The following DLGAP5 variants were observed in gnomAD, a reference collection of about 807,000 sequenced individuals.
The protein encoded by DLGAP5 is disks large-associated protein 5.
In DLGAP5, 90 loss-of-function variants were observed where a neutral mutation model predicts 99.6. The observed-to-expected ratio is 0.90, with a 90% CI of 0.76 to 1.08. The LOEUF is 1.08. DLGAP5 is among the 50% of genes least tolerant of loss of function. DLGAP5 has a pLI of 0.00. For missense variants in DLGAP5, 1,036 were observed against 983.5 expected (o/e 1.05, Z -0.71); for synonymous variants, 311 against 321.3 (o/e 0.97, Z 0.34).
intron 14 of DLGAP5, 72 bp downstream of exon 14, chr14:55,158,450 C>T (rs993836067): frequency 4.4e-5 from 57 of 1,283,554 alleles, no homozygotes; most frequent in Non-Finnish European, 5.9e-5. Flanking sequence ...CACAAGCCCC[C>T]ATCTATCCCA....
intron 17 of DLGAP5, among the ~76,000 whole-genome samples, chr14:55,151,343 T>TAA (rs59934475): frequency 2.0e-5 from 3 of 150,696 alleles, no homozygotes; most frequent in South Asian, 2.1e-4. Context: ...AAAGGACAAC[T>TAA]AAAAAAAAAG....
At position 55,177,322 on chromosome 14, in the gene DLGAP5, T is replaced by A; in HGVS notation, c.789A>T (p.Lys263Asn). 3 of 1,599,652 alleles carry A rather than the reference T, an allele frequency of 1.9e-6. No homozygotes were observed. Among genetic ancestry groups the A allele is most frequent in the Non-Finnish European group, 2.6e-6 (3 of 1,174,468 alleles). Residue 263 changes from lysine to asparagine, a missense_variant, in exon 8 of 19, where the codon AAA (lysine) becomes AAT (asparagine). Lys to Asn is a moderately conservative substitution (Grantham distance 94). Transcript: ENST00000247191. ...TCAAAGTATTTTCTTCACTATCGAC[T>A]TTACAAGAAATACCCTAGGATGTGA... ...ETKPDKGISC[K>N]VDSEENTLNS...
Position 55,158,517 on chromosome 14 carries a change from C to G in DLGAP5, c.1873+5G>C. ...AAAAAAAATAAAAAATCAAAAACAA[C>G]TAACCTGAGAATAATTTAACAGGAC... On this transcript the variant is annotated splice_donor_5th_base_variant and intron_variant, in intron 14 of 18. Transcript: ENST00000247191. The G allele has an allele frequency of 6.2e-7, 1 of 1,609,232 alleles. No homozygotes were observed. The highest frequency in any genetic ancestry group is 8.5e-7 in the Non-Finnish European group (1 of 1,177,784).
chr14:55,185,038 C>G (rs1315889217), intron 2 of DLGAP5, among the ~76,000 whole-genome samples: 1 of 152,194 alleles, frequency 6.6e-6, no homozygotes, highest in Admixed American at 6.5e-5. Flanking sequence ...AACTTATCCT[C>G]TTACTCATCT....
rs143175858 is a variant in DLGAP5, at chr14:55,187,085, T to C, written c.238+1857A>G. Reference sequence around the variant, plus strand: ...CACACCCAGCTGATTTTTGTATTTTTAGTAGAGATGGGGTTTCACCATGTT... The same window carrying C: ...CACACCCAGCTGATTTTTGTATTTTCAGTAGAGATGGGGTTTCACCATGTT... On this transcript the variant is annotated intron_variant, in intron 2 of 18. Transcript: ENST00000247191. 3.4e-4 allele frequency among the ~76,000 whole-genome samples: 51 copies of C among 152,124 alleles called. No individual in the cohort carries two copies. In the East Asian group the frequency reaches 4.1e-3, roughly 12 times the overall value.
intron 18 of DLGAP5, 153 bp downstream of exon 18, chr14:55,150,646 C>A: frequency 1.8e-6 from 1 of 541,644 alleles, no homozygotes; most frequent in South Asian, 2.9e-5. Context: ...ATATAAACAC[C>A]AAATTTTTCT....
In DLGAP5 at chr14:55,163,052, G is replaced by A. The variant is rs2140311974; in HGVS notation, c.1572C>T (p.Phe524=). 1.3e-6 allele frequency: 2 copies of A among 1,595,626 alleles called. No individual in the cohort carries two copies. The highest frequency in any genetic ancestry group is 1.3e-5 in the African/African-American group (1 of 74,430). Residue 524 remains phenylalanine, a synonymous_variant, in exon 13 of 19, where the codon TTC becomes TTT. Coordinates refer to ENST00000247191, the MANE Select transcript of DLGAP5 (RefSeq NM_014750.5). ...SFQIEDVIHK[F]NNLIKLEESG... The stretch of plus-strand genomic sequence containing the variant: ...ATTCCTCAAGTTTGATCAGATTGTT[G>A]AATTTGTGGATTACATCTTCTATCT...
chr14:55,173,583 T>C (rs1443978307), intron 10 of DLGAP5, among the ~76,000 whole-genome samples: 1 of 139,172 alleles, frequency 7.2e-6, no homozygotes, highest in Non-Finnish European at 1.5e-5. Flanking sequence ...TATAGATATA[T>C]GTTGTCTCTC....
Position 55,169,383 on chromosome 14 carries a change from A to G in DLGAP5, c.1548+16T>C, listed in dbSNP as rs1485776939. On this transcript the variant is annotated intron_variant, in intron 12 of 18. Transcript: ENST00000247191. The stretch of plus-strand genomic sequence containing the variant: ...AAAGCCCTAAGTTAATATATTTGAA[A>G]TATTGAACCACATACCTGAAAACTA... 41 of 1,472,250 alleles carry G rather than the reference A, an allele frequency of 2.8e-5. No homozygotes were observed. The highest frequency in any genetic ancestry group is 3.5e-5 in the Non-Finnish European group (39 of 1,115,324). 91.2% of individuals were successfully genotyped at this position (1,472,250 alleles called of 1,614,324 possible).
intron 15 of DLGAP5, among the ~76,000 whole-genome samples, chr14:55,153,312 C>T (rs1594661825): frequency 2.0e-5 from 3 of 151,994 alleles, no homozygotes; most frequent in South Asian, 2.1e-4. Flanking sequence ...GAGGCAGCGG[C>T]GGGTGGATCA....
At chr14:55,167,711 C>T (rs1291086665) in intron 12 of DLGAP5, among the ~76,000 whole-genome samples, 2 of 152,092 alleles carry the variant, frequency 1.3e-5, no homozygotes, top group African/African-American at 2.4e-5. Flanking sequence ...TGCCTTTCCA[C>T]CCTCATGCTT....
At chr14:55,160,858 A>T (rs1370252531) in intron 13 of DLGAP5, among the ~76,000 whole-genome samples, 1 of 152,210 alleles carries the variant, frequency 6.6e-6, no homozygotes, top group Non-Finnish European at 1.5e-5. Flanking sequence ...AATGAGTTGG[A>T]GAAATAAAGG....
intron 8 of DLGAP5, among the ~76,000 whole-genome samples, chr14:55,176,861 C>T (rs1350945242): frequency 1.3e-5 from 2 of 150,996 alleles, no homozygotes; most frequent in East Asian, 3.9e-4. Flanking sequence ...GCCTGTAGTC[C>T]CAGCTACTTG....
chr14:55,158,978 G>T (rs192245558), intron 13 of DLGAP5, among the ~76,000 whole-genome samples: 15 of 151,182 alleles, frequency 9.9e-5, no homozygotes, highest in Non-Finnish European at 1.8e-4. Flanking sequence ...GGGAAGAATA[G>T]TAAGAAGGAT....
intron 10 of DLGAP5, among the ~76,000 whole-genome samples, chr14:55,172,770 T>C (rs1882905010): frequency 6.6e-6 from 1 of 151,626 alleles, no homozygotes; most frequent in Non-Finnish European, 1.5e-5. Flanking sequence ...GATCACAAGG[T>C]CAGGAGTTCG....
Position 55,188,638 on chromosome 14 carries a change from C to T in DLGAP5, c.238+304G>A, listed in dbSNP as rs146150673. Among the ~76,000 whole-genome samples, 67 of 152,068 alleles carry T rather than the reference C, an allele frequency of 4.4e-4. 2 individuals carry two copies. The East Asian group carries it at 0.011, about 26-fold the overall frequency. On this transcript the variant is annotated intron_variant, in intron 2 of 18. Coordinates refer to ENST00000247191, the MANE Select transcript of DLGAP5 (RefSeq NM_014750.5). ...GATAACAGGTTATTAAGGGGCCAGG[C>T]GCGGTGGCTCACACCTGTAATCCCC...
Position 55,178,086 on chromosome 14 carries a change from G to A in DLGAP5, c.775-750C>T, listed in dbSNP as rs1434673894. Among the ~76,000 whole-genome samples, 3 of 150,352 alleles carry A rather than the reference G, an allele frequency of 2.0e-5. 1 individual carries two copies. Among genetic ancestry groups the A allele is most frequent in the African/African-American group, 7.4e-5 (3 of 40,668 alleles). On this transcript the variant is annotated intron_variant, in intron 7 of 18. Transcript: ENST00000247191. ...GCTAACACAGCAAAACCCCGTCTTT[G>A]CTAAAAATACAAAAAATTATTGGGG...
intron 10 of DLGAP5, among the ~76,000 whole-genome samples, chr14:55,172,819 T>C (rs1362753061): frequency 6.6e-6 from 1 of 151,336 alleles, no homozygotes; most frequent in Non-Finnish European, 1.5e-5. Context: ...CCGTCTCTAC[T>C]AAAAATATAA....
chr14:55,149,280 A>C (rs1385874713), intron 18 of DLGAP5, among the ~76,000 whole-genome samples: 1 of 152,180 alleles, frequency 6.6e-6, no homozygotes. Context: ...ACAGGGTTAA[A>C]TCAGGTTTAC....
Sources: allele counts gnomAD v4.1 joint callset (sites outside exome capture counted in the v4.1 genomes callset), GRCh38; gene constraint gnomAD v4.1.1; transcripts MANE v1.5; gene names NCBI Gene and HGNC (gene_info 2026-07-23, HGNC 2026-07-21).